CSMD1: variants seen among roughly 807,000 people sequenced by gnomAD.
CSMD1 encodes the protein CUB and sushi domain-containing protein 1.
CSMD1 carries 213 observed loss-of-function variants against 417.5 expected under a neutral mutation model. The observed-to-expected ratio is 0.51, with a 90% confidence interval of 0.46 to 0.57. CSMD1 has a LOEUF of 0.57. CSMD1 is among the 20% of genes least tolerant of loss of function. The pLI is 0.00. For missense variants in CSMD1, 6,923 were observed against 4,529.7 expected, an observed-to-expected ratio of 1.53 and a Z score of -15.17; for synonymous variants, 2,862 against 1,736.8, an observed-to-expected ratio of 1.65 and a Z score of -16.11.
At position 3,118,403 on chromosome 8, in the gene CSMD1, A is replaced by G. The variant is rs1007892324; in HGVS notation, c.6426T>C (p.Cys2142=). The G allele has an allele frequency of 1.9e-6, 3 of 1,611,698 alleles. No homozygotes were observed. Among genetic ancestry groups the G allele is most frequent in the African/African-American group, 1.3e-5 (1 of 74,976 alleles). The change falls in exon 42 of 70, where the codon TGT becomes TGC. Residue 2142 remains cysteine (C), a synonymous_variant. Transcript: ENST00000635120. ...NRNWNYPFPR[C]DAPCGYNVTS... The stretch of plus-strand genomic sequence containing the variant: ...CATGCAAAGTGATGAACTTACCATC[A>G]CATCTTGGAAAAGGGTAGTTCCAGT...
At position 3,853,438 on chromosome 8, in the gene CSMD1, C is replaced by T. The variant is rs148408875; in HGVS notation, c.819-99396G>A. On this transcript the variant is annotated intron_variant, in intron 5 of 69. Transcript: ENST00000635120. ...TTAAAAATGTATTTTCTTATTTACT[C>T]CCAGGAAATGGTAAACTCTGTGAAG... 2.0e-5 allele frequency among the ~76,000 whole-genome samples: 3 copies of T among 152,234 alleles called. No individual in the cohort carries two copies. In the East Asian group the frequency reaches 5.8e-4, roughly 29 times the overall value.
At chr8:4,707,349 C>T (rs1307463403) in intron 1 of CSMD1, among the ~76,000 whole-genome samples, 2 of 152,050 alleles carry the variant, frequency 1.3e-5, no homozygotes, top group African/African-American at 4.8e-5. Flanking sequence ...AGAGCTGGGA[C>T]ATTATTCAAA....
chr8:3,047,396 T>C (rs1811530135), intron 50 of CSMD1, among the ~76,000 whole-genome samples: 3 of 152,114 alleles, frequency 2.0e-5, no homozygotes, highest in Non-Finnish European at 4.4e-5. Context: ...TCATGTCCTG[T>C]GCATATCTTC....
intron 17 of CSMD1, among the ~76,000 whole-genome samples, chr8:3,394,592 T>C (rs7011313): frequency 0.12 from 18,526 of 150,662 alleles, 1,335 homozygotes; most frequent in African/African-American, 0.19. Context: ...TCATGCACTA[T>C]ATATCTAAGA....
chr8:3,240,771 T>A (rs577102317), intron 26 of CSMD1, among the ~76,000 whole-genome samples: 2 of 152,080 alleles, frequency 1.3e-5, no homozygotes, highest in Non-Finnish European at 2.9e-5. Context: ...TTGGCACCAC[T>A]GGGTGGATAG....
chr8:4,333,945 G>T (rs1800017082), intron 3 of CSMD1, among the ~76,000 whole-genome samples: 1 of 151,930 alleles, frequency 6.6e-6, no homozygotes, highest in African/African-American at 2.4e-5. Flanking sequence ...AGACTGGAGG[G>T]CAGTGACACC....
intron 55 of CSMD1, among the ~76,000 whole-genome samples, chr8:2,975,880 C>G (rs1804869275): frequency 6.6e-6 from 1 of 152,100 alleles, no homozygotes; most frequent in Non-Finnish European, 1.5e-5. Context: ...CAGCTAAACC[C>G]CAGCTCCTGG....
At chr8:4,924,327 G>C (rs999665059) in intron 1 of CSMD1, among the ~76,000 whole-genome samples, 1 of 152,246 alleles carries the variant, frequency 6.6e-6, no homozygotes, top group South Asian at 2.1e-4. Context: ...CATGTAAAAT[G>C]AATTTTCCTC....
intron 1 of CSMD1, among the ~76,000 whole-genome samples, chr8:4,781,234 A>T (rs1238526521): frequency 6.6e-6 from 1 of 152,228 alleles, no homozygotes; most frequent in Admixed American, 6.5e-5. Flanking sequence ...GGTGAGGCAC[A>T]ATGGCTAAGC....
intron 7 of CSMD1, among the ~76,000 whole-genome samples, chr8:3,691,705 A>G (rs1800252790): frequency 2.0e-5 from 3 of 152,314 alleles, no homozygotes; most frequent in Admixed American, 1.3e-4. Flanking sequence ...AACAAATAAA[A>G]CCCTATAAGG....
At chr8:4,360,536 C>G (rs192353775) in intron 3 of CSMD1, among the ~76,000 whole-genome samples, 4 of 152,162 alleles carry the variant, frequency 2.6e-5, no homozygotes, top group African/African-American at 9.7e-5. Context: ...GTCGCCCAGG[C>G]TGGAGGGCAG....
intron 3 of CSMD1, among the ~76,000 whole-genome samples, chr8:4,321,365 A>C (rs1799263983): frequency 1.3e-5 from 2 of 152,212 alleles, no homozygotes; most frequent in South Asian, 2.1e-4. Flanking sequence ...CTGGCAGTTA[A>C]AGCATAAGAA....
chr8:4,146,422 C>T (rs886680302), intron 3 of CSMD1, among the ~76,000 whole-genome samples: 1 of 150,264 alleles, frequency 6.7e-6, no homozygotes, highest in Non-Finnish European at 1.5e-5. Flanking sequence ...ACTCCAAAGA[C>T]GTGTACCCAG....
chr8:3,057,939 C>T (rs1812344570), intron 49 of CSMD1, among the ~76,000 whole-genome samples: 2 of 152,288 alleles, frequency 1.3e-5, no homozygotes, highest in African/African-American at 4.8e-5. Context: ...AAAACCTTCC[C>T]CTACTCTCCG....
chr8:3,496,543 G>A lies in CSMD1; in HGVS notation c.1345-2817C>T, dbSNP rs188436703. Among the ~76,000 whole-genome samples, 318 of 152,252 alleles carry A rather than the reference G, an allele frequency of 2.1e-3. 2 individuals carry two copies. The highest frequency in any genetic ancestry group is 7.3e-3 in the African/African-American group (304 of 41,536). On this transcript the variant is annotated intron_variant, in intron 10 of 69. Transcript: ENST00000635120. Reference sequence around the variant, plus strand: ...AGCACTGCTTTTACTATATCTCATAGGTTTTGGTATGTTGTATTTCTATTT... The same window carrying A: ...AGCACTGCTTTTACTATATCTCATAAGTTTTGGTATGTTGTATTTCTATTT...
chr8:4,150,704 G>A (rs1049635270), intron 3 of CSMD1, among the ~76,000 whole-genome samples: 9 of 152,148 alleles, frequency 5.9e-5, no homozygotes, highest in African/African-American at 1.9e-4. Flanking sequence ...GAACCTTAGG[G>A]TGTGGAAAGC....
intron 1 of CSMD1, among the ~76,000 whole-genome samples, chr8:4,646,987 C>G (rs747366934): frequency 5.3e-5 from 8 of 152,136 alleles, no homozygotes; most frequent in Non-Finnish European, 1.2e-4. Flanking sequence ...GGATGTGGAC[C>G]TAGTCATAGA....
At chr8:4,281,156 C>G (rs537840524) in intron 3 of CSMD1, among the ~76,000 whole-genome samples, 2 of 152,102 alleles carry the variant, frequency 1.3e-5, no homozygotes, top group Admixed American at 6.5e-5. Context: ...AGCACCTGAC[C>G]CACTGATGGT....
At chr8:4,255,250 T>A (rs951050634) in intron 3 of CSMD1, among the ~76,000 whole-genome samples, 1 of 152,180 alleles carries the variant, frequency 6.6e-6, no homozygotes, top group African/African-American at 2.4e-5. Context: ...TAAAATTTTA[T>A]CCAGTGAATA....
Sources: gnomAD v4.1 joint callset for allele counts (sites outside exome capture counted in the v4.1 genomes callset) on GRCh38, gnomAD v4.1.1 for gene constraint, MANE v1.5 for transcripts, NCBI Gene and HGNC (gene_info 2026-07-23, HGNC 2026-07-21) for gene names.